Variants in ASB7 observed in about 807,000 individuals in gnomAD.
ASB7 encodes the protein ankyrin repeat and SOCS box protein 7.
In ASB7, 4 loss-of-function variants were observed where a neutral mutation model predicts 32.5. The observed-to-expected ratio is 0.12, with a 90% CI of 0.06 to 0.28. The LOEUF is 0.28. Ranked by LOEUF, ASB7 falls within the 10% of genes least tolerant of loss-of-function variation. The pLI, the probability that ASB7 is intolerant of heterozygous loss-of-function variation, is 1.00. For missense variants in ASB7, 181 were observed against 407.1 expected, an observed-to-expected ratio of 0.44 and a Z score of 4.78; for synonymous variants, 172 against 155.6, an observed-to-expected ratio of 1.11 and a Z score of -0.78.
chr15:100,621,087 C>G (rs1014066936), intron 4 of ASB7, among the ~76,000 whole-genome samples: 4 of 152,194 alleles, frequency 2.6e-5, no homozygotes, highest in African/African-American at 9.7e-5. Flanking sequence ...AAATGTGACA[C>G]TGGCACACTG....
chr15:100,604,014 T>A (rs766532957), intron 2 of ASB7, among the ~76,000 whole-genome samples: 1 of 152,228 alleles, frequency 6.6e-6, no homozygotes, highest in Non-Finnish European at 1.5e-5. Context: ...AAAGATACAA[T>A]GTTTCTTACA....
chr15:100,603,417 A>AC (rs1185433058), intron 2 of ASB7, 104 bp downstream of exon 2: 269 of 118,122 alleles, frequency 2.3e-3, no homozygotes, highest in South Asian at 4.9e-3. Context: ...AACCTTTCCT[A>AC]CCCCCCCCAC....
chr15:100,603,905 G>C (rs116109545), intron 2 of ASB7, among the ~76,000 whole-genome samples: 104 of 152,312 alleles, frequency 6.8e-4, no homozygotes, highest in Middle Eastern at 3.4e-3. Flanking sequence ...TGAATGGTAT[G>C]AAGACAACAT....
At chr15:100,612,582 T>G in intron 4 of ASB7, 155 bp downstream of exon 4, 1 of 744,348 alleles carries the variant, frequency 1.3e-6, no homozygotes, top group Non-Finnish European at 2.2e-6. Context: ...AAGTGTGCCT[T>G]TTTGTTTAAA....
chr15:100,622,518 G>A (rs1294860961), intron 4 of ASB7, among the ~76,000 whole-genome samples: 4 of 152,144 alleles, frequency 2.6e-5, no homozygotes, highest in Admixed American at 2.6e-4. Flanking sequence ...GAGCAAAAGG[G>A]ACAAAGCTGG....
At chr15:100,644,974 G>A (rs974127530) in intron 5 of ASB7, among the ~76,000 whole-genome samples, 6 of 152,204 alleles carry the variant, frequency 3.9e-5, no homozygotes, top group Non-Finnish European at 5.9e-5. Context: ...CTCGAAAAGC[G>A]TATGTTCATA....
At position 100,611,484 on chromosome 15, in the gene ASB7, C is replaced by CTTTTTTTTTTTT. The variant is rs61153969; in HGVS notation, c.-51-680_-51-669dup. Among the ~76,000 whole-genome samples, 377 of 77,084 alleles carry CTTTTTTTTTTTT rather than the reference C, an allele frequency of 4.9e-3. 69 individuals carry two copies. Among genetic ancestry groups the CTTTTTTTTTTTT allele is most frequent in the African/African-American group, 0.012 (248 of 20,406 alleles). 50.6% of individuals were successfully genotyped at this position (77,084 alleles called of 152,430 possible). ...GGTTAATCACCAGATTGTTTCGATT[C>CTTTTTTTTTTTT]TTTTTTTTTTTTTGAGACAGAATTT... On this transcript the variant is annotated intron_variant, in intron 3 of 5. Coordinates refer to ENST00000332783, the MANE Select transcript of ASB7 (RefSeq NM_198243.3).
chr15:100,612,125 G>C, intron 3 of ASB7, 41 bp from the exon 4 acceptor site: 1 of 1,069,338 alleles, frequency 9.4e-7, no homozygotes. Flanking sequence ...TCAGGAACCA[G>C]TTATTCTAAA....
Position 100,602,994 on chromosome 15 carries a change from G to A in ASB7, c.-325G>A, listed in dbSNP as rs531623843. 2.5e-6 allele frequency: 1 copy of A among 399,260 alleles called. No homozygotes were observed. The highest frequency in any genetic ancestry group is 4.4e-6 in the Non-Finnish European group (1 of 226,508). 24.7% of individuals were successfully genotyped at this position (399,260 alleles called of 1,614,324 possible). A position where few individuals can be genotyped will look rare whatever the true frequency, so the allele number is the denominator to read the frequency against. Reference sequence around the variant, plus strand: ...GGGTATTTCTTCAATGGAGAAGTTGGTGAGTGTAGAGGAGGCTGAAAGGAG... The same window carrying A: ...GGGTATTTCTTCAATGGAGAAGTTGATGAGTGTAGAGGAGGCTGAAAGGAG... On this transcript the variant is annotated 5_prime_UTR_variant, in exon 1 of 6. The change creates a new upstream start codon in the 5' untranslated region. Coordinates refer to ENST00000332783, the MANE Select transcript of ASB7 (RefSeq NM_198243.3).
chr15:100,608,904 G>A (rs1220387590), intron 2 of ASB7, among the ~76,000 whole-genome samples: 2 of 152,268 alleles, frequency 1.3e-5, no homozygotes, highest in East Asian at 3.9e-4. Context: ...GTTGCTAAGT[G>A]GCCCGACCTT....
In ASB7 at chr15:100,629,009, C is replaced by A. The variant is rs4965689; in HGVS notation, c.212-428C>A. Among the ~76,000 whole-genome samples, 45,341 of 152,018 alleles carry A rather than the reference C, an allele frequency of 0.3. 6,945 individuals carry two copies. The highest frequency in any genetic ancestry group is 0.36 in the Middle Eastern group (107 of 294). On this transcript the variant is annotated intron_variant, in intron 4 of 5. Transcript: ENST00000332783. The surrounding 1 kb of genome is among the most constrained non-coding windows in gnomAD (Gnocchi z 6.8). ...ATAGTGTATCTGTAATTTAGAGCAG[C>A]AGATGTTGCTACACATGCTTCTCTT...
chr15:100,603,955 C>T (rs1377637731), intron 2 of ASB7, among the ~76,000 whole-genome samples: 1 of 152,150 alleles, frequency 6.6e-6, no homozygotes, highest in Non-Finnish European at 1.5e-5. Context: ...ACTCTTTGGG[C>T]TTTCTGTGTG....
At chr15:100,623,580 A>G (rs1214668166) in intron 4 of ASB7, among the ~76,000 whole-genome samples, 3 of 152,248 alleles carry the variant, frequency 2.0e-5, no homozygotes, top group African/African-American at 7.2e-5. Flanking sequence ...AAGACAAAAA[A>G]TAACAGATGC....
At chr15:100,624,679 T>C (rs1277951349) in intron 4 of ASB7, among the ~76,000 whole-genome samples, 1 of 152,242 alleles carries the variant, frequency 6.6e-6, no homozygotes, top group Non-Finnish European at 1.5e-5. Context: ...TAGGTCCAGC[T>C]GGCTTCTCAT....
At position 100,612,445 on chromosome 15, in the gene ASB7, A is replaced by C; in HGVS notation, c.211+18A>C. On this transcript the variant is annotated intron_variant, in intron 4 of 5. Coordinates refer to ENST00000332783, the MANE Select transcript of ASB7 (RefSeq NM_198243.3). ...ACACGGAGGTGAGTTTTGTAGAAGC[A>C]AATCTTTTTCCCCATGGAGAAACAT... is the stretch of plus-strand genomic sequence containing the variant. 1 of 1,574,340 alleles carries C rather than the reference A, an allele frequency of 6.4e-7. No homozygotes were observed. Among genetic ancestry groups the C allele is most frequent in the Non-Finnish European group, 8.7e-7 (1 of 1,143,676 alleles).
chr15:100,629,597 T>C lies in ASB7; in HGVS notation c.372T>C (p.Ala124=). ...SNDGWTPLHV[A]AHYGRDSFVR... ...ACGGCTGGACTCCCCTCCATGTGGC[T>C]GCCCACTACGGCAGGGACTCATTTG... is the stretch of plus-strand genomic sequence containing the variant. Residue 124 remains alanine (A), a synonymous_variant, in exon 5 of 6, where the codon GCT becomes GCC. Transcript: ENST00000332783. The surrounding 1 kb of genome is among the most constrained non-coding windows in gnomAD (Gnocchi z 6.8). The C allele has an allele frequency of 6.2e-7, 1 of 1,614,218 alleles. No individual in the cohort carries two copies. Among genetic ancestry groups the C allele is most frequent in the Non-Finnish European group, 8.5e-7 (1 of 1,180,030 alleles).
intron 5 of ASB7, chr15:100,646,007 C>A: frequency 4.3e-6 from 2 of 470,052 alleles, no homozygotes; most frequent in Non-Finnish European, 8.3e-6. Context: ...ATTTCATCTT[C>A]TTCTGTAGGG....
intron 4 of ASB7, among the ~76,000 whole-genome samples, chr15:100,614,010 C>T (rs1231101099): frequency 6.6e-6 from 1 of 152,122 alleles, no homozygotes; most frequent in Non-Finnish European, 1.5e-5. Flanking sequence ...TGGTAGCTCA[C>T]GCCTGTAATC....
At chr15:100,622,633 A>G (rs2039803855) in intron 4 of ASB7, among the ~76,000 whole-genome samples, 1 of 152,234 alleles carries the variant, frequency 6.6e-6, no homozygotes, top group African/African-American at 2.4e-5. Context: ...CAGAGAATCC[A>G]GAAATCTACG....
Sources: gnomAD v4.1 joint callset for allele counts (sites outside exome capture counted in the v4.1 genomes callset) on GRCh38, gnomAD v4.1.1 for gene constraint, Gnocchi (gnomAD v3.1) non-coding constraint, MANE v1.5 for transcripts, NCBI Gene and HGNC (gene_info 2026-07-23, HGNC 2026-07-21) for gene names.